Variants in VPS36 observed in about 807,000 individuals in gnomAD.
VPS36 encodes vacuolar protein sorting 36 homolog.
VPS36 carries 31 observed loss-of-function variants against 63.5 expected under a neutral mutation model. The ratio of observed to expected loss-of-function variants is 0.49; its 90% CI spans 0.37 to 0.66. The LOEUF (loss-of-function observed/expected upper bound fraction) is 0.66. VPS36 is among the 30% of genes least tolerant of loss of function. The pLI is 0.00. For synonymous variants in VPS36, 138 were observed against 157.2 expected, an observed-to-expected ratio of 0.88 and a Z score of 0.91; for missense variants, 338 against 463.7, an observed-to-expected ratio of 0.73 and a Z score of 2.49.
chr13:52,441,837 G>A (rs538846056), intron 2 of VPS36, among the ~76,000 whole-genome samples: 1 of 152,312 alleles, frequency 6.6e-6, no homozygotes, highest in Admixed American at 6.5e-5. Flanking sequence ...GCATGCACTT[G>A]ATGGCAGGCC....
At position 52,436,329 on chromosome 13, in the gene VPS36, G is replaced by A; in HGVS notation, c.312C>T (p.Ser104=). ...EPGPFQSSKN[S]YIKLSFKEHG... is the part of the protein sequence containing the mutation. ...GTTCTTTGAAGGAGAGTTTGATGTA[G>A]GAGTTCTTACTACTCTGGAATGGGC... Residue 104 remains serine (S), a synonymous_variant, in exon 4 of 14, where the codon TCC becomes TCT. Transcript: ENST00000378060. 6.2e-7 allele frequency: 1 copy of A among 1,612,866 alleles called. No homozygotes were observed. Among genetic ancestry groups the A allele is most frequent in the South Asian group, 1.1e-5 (1 of 90,680 alleles).
At chr13:52,421,336 G>C (rs1296676243) in intron 10 of VPS36, among the ~76,000 whole-genome samples, 1 of 152,108 alleles carries the variant, frequency 6.6e-6, no homozygotes, top group Non-Finnish European at 1.5e-5. Flanking sequence ...CATAGAAGTA[G>C]AGAGTAGAAG....
intron 9 of VPS36, among the ~76,000 whole-genome samples, chr13:52,425,296 T>C (rs2137781631): frequency 6.6e-6 from 1 of 151,796 alleles, no homozygotes; most frequent in South Asian, 2.1e-4. Context: ...AGATATTAGA[T>C]AACATTAAGA....
chr13:52,424,361 T>C (rs1381170003), intron 9 of VPS36, among the ~76,000 whole-genome samples: 1 of 152,124 alleles, frequency 6.6e-6, no homozygotes, highest in African/African-American at 2.4e-5. Flanking sequence ...CACAAAAAAT[T>C]TTTTAAAAAT....
intron 10 of VPS36, among the ~76,000 whole-genome samples, chr13:52,418,904 C>T (rs1471022334): frequency 6.6e-6 from 1 of 152,202 alleles, no homozygotes; most frequent in African/African-American, 2.4e-5. Context: ...AGGATGGCTC[C>T]AGAGCCAGTC....
chr13:52,436,012 G>A (rs1958211343), intron 4 of VPS36: 1 of 288,208 alleles, frequency 3.5e-6, no homozygotes, highest in African/African-American at 2.1e-5. Flanking sequence ...AACTCTGCTA[G>A]CAGGCGAATG....
At chr13:52,441,311 G>A (rs1312060854) in intron 2 of VPS36, among the ~76,000 whole-genome samples, 2 of 152,096 alleles carry the variant, frequency 1.3e-5, no homozygotes, top group African/African-American at 4.8e-5. Flanking sequence ...CAGGGGTCTG[G>A]GGGAACAATC....
rs775244682 is a variant in VPS36 at position 52,450,565 on chromosome 13, G to A, written c.30C>T (p.Leu10=). 3.1e-6 allele frequency: 5 copies of A among 1,593,074 alleles called. No homozygotes were observed. In the South Asian group the frequency reaches 3.4e-5, roughly 11 times the overall value. ...TCACCAGGGTCTCGTTGATCTCCAG[G>A]AGGCCGCTGGTCCAAACGAAGCGGT... is the stretch of plus-strand genomic sequence containing the variant. MDRFVWTSG[L]LEINETLVIQ... The change falls in exon 1 of 14, where the codon CTC becomes CTT. Residue 10 remains leucine, a synonymous_variant. Transcript: ENST00000378060.
rs764121268 is a variant in VPS36 at position 52,417,982 on chromosome 13, G to T, written c.905+10C>A. 5 of 1,610,538 alleles carry T rather than the reference G, an allele frequency of 3.1e-6. No individual in the cohort carries two copies. The African/African-American group carries it at 6.7e-5, about 22-fold the overall frequency. ...TGCAGGTGGCAAACTTCCTGCAGAG[G>T]TTCCTTTACCTGAGAGGTAATTTCA... On this transcript the variant is annotated intron_variant, in intron 11 of 13. Transcript: ENST00000378060.
chr13:52,441,736 A>G (rs1396083628), intron 2 of VPS36, among the ~76,000 whole-genome samples: 1 of 151,842 alleles, frequency 6.6e-6, no homozygotes, highest in African/African-American at 2.4e-5. Context: ...TGGGCGAAAG[A>G]GCGAGACTCC....
Position 52,448,913 on chromosome 13 carries a change from A to G in VPS36, c.96+1586T>C, listed in dbSNP as rs182407871. 7.4e-3 allele frequency among the ~76,000 whole-genome samples: 1,121 copies of G among 152,306 alleles called. 6 individuals carry two copies. Among genetic ancestry groups the G allele is most frequent in the African/African-American group, 0.017 (698 of 41,572 alleles). ...CTCAAAGGGGAGGCAAAATCAAAACACCGAGGAAGGGGAGGTGGATTAACC... is the reference window on the plus strand; with the variant it reads ...CTCAAAGGGGAGGCAAAATCAAAACGCCGAGGAAGGGGAGGTGGATTAACC... On this transcript the variant is annotated intron_variant, in intron 1 of 13. Transcript: ENST00000378060.
rs572184343 is a variant in VPS36 at position 52,441,938 on chromosome 13, A to G, written c.165+439T>C. ...AGACTCCCTCACAACTGATGGGGGA[A>G]TTATTCCACTGTTACACATGGAACA... On this transcript the variant is annotated intron_variant, in intron 2 of 13. Transcript: ENST00000378060. Among the ~76,000 whole-genome samples the G allele has an allele frequency of 4.6e-5, 7 of 152,292 alleles. No individual in the cohort carries two copies. In the South Asian group the frequency reaches 1.5e-3, roughly 32 times the overall value.
Position 52,435,266 on chromosome 13 carries a change from C to T in VPS36, c.352-384G>A, listed in dbSNP as rs114220006. Reference sequence around the variant, plus strand: ...GATTATAGGTGTGAGCCACCGCGCCCGGCCACTTAACATTTCTTCAGTATA... The same window carrying T: ...GATTATAGGTGTGAGCCACCGCGCCTGGCCACTTAACATTTCTTCAGTATA... On this transcript the variant is annotated intron_variant, in intron 4 of 13. Transcript: ENST00000378060. 4.4e-3 allele frequency among the ~76,000 whole-genome samples: 676 copies of T among 152,168 alleles called. 4 individuals carry two copies. Among genetic ancestry groups the T allele is most frequent in the African/African-American group, 0.015 (635 of 41,506 alleles).
chr13:52,427,243 T>A, intron 6 of VPS36, 24 bp from the exon 7 acceptor site: 1 of 1,611,482 alleles, frequency 6.2e-7, no homozygotes, highest in Admixed American at 1.7e-5. Flanking sequence ...TGAATTTTGG[T>A]TGAAATCCAT....
intron 1 of VPS36, among the ~76,000 whole-genome samples, chr13:52,446,302 G>T (rs1958343049): frequency 1.3e-5 from 2 of 150,662 alleles, no homozygotes; most frequent in African/African-American, 4.9e-5. Context: ...CTGCATTATA[G>T]AACATATAGT....
intron 6 of VPS36, among the ~76,000 whole-genome samples, chr13:52,430,842 G>A (rs1824594856): frequency 6.6e-6 from 1 of 151,272 alleles, no homozygotes; most frequent in East Asian, 1.9e-4. Context: ...TCTTTTAAGG[G>A]GAAAAAATAA....
rs146528766 is a variant in VPS36, at chr13:52,430,120, A to AG, written c.529-2902dup. On this transcript the variant is annotated intron_variant, in intron 6 of 13. Coordinates refer to ENST00000378060, the MANE Select transcript of VPS36 (RefSeq NM_016075.4). ...GACTCAGGAAAGAATTAAAAATAAA[A>AG]GAAAAAAATCATTTCAGAAATAAAG... is the stretch of plus-strand genomic sequence containing the variant. Among the ~76,000 whole-genome samples the AG allele has an allele frequency of 7.4e-3, 1,125 of 152,344 alleles. 6 individuals are homozygous for AG. Among genetic ancestry groups the AG allele is most frequent in the African/African-American group, 0.017 (701 of 41,588 alleles).
chr13:52,416,381 GAT>G (rs1326976572), intron 12 of VPS36: 1 of 295,014 alleles, frequency 3.4e-6, no homozygotes, highest in African/African-American at 2.2e-5. Context: ...AGAACTATTT[GAT>G]ATTCTGAAAA....
intron 6 of VPS36, among the ~76,000 whole-genome samples, chr13:52,432,120 C>T (rs186854416): frequency 1.3e-3 from 198 of 149,960 alleles, no homozygotes; most frequent in Admixed American, 2.2e-3. Flanking sequence ...TGAGAGGCCG[C>T]GGCGGCGGAT....
Sources: allele counts gnomAD v4.1 joint callset (sites outside exome capture counted in the v4.1 genomes callset), GRCh38; gene constraint gnomAD v4.1.1; transcripts MANE v1.5; gene names NCBI Gene and HGNC (gene_info 2026-07-23, HGNC 2026-07-21).